RIN2: variants seen among roughly 807,000 people sequenced by gnomAD.
The protein encoded by RIN2 is Ras and Rab interactor 2, also known as RAB5 interacting protein 2.
RIN2 carries 36 observed loss-of-function variants against 78.0 expected under a neutral mutation model. The ratio of observed to expected loss-of-function variants is 0.46; its 90% confidence interval spans 0.35 to 0.61. The LOEUF (loss-of-function observed/expected upper bound fraction) is 0.61. RIN2 is among the 20% of genes least tolerant of loss of function. The pLI is 0.00. For synonymous variants in RIN2, 466 were observed against 466.8 expected, an observed-to-expected ratio of 1.00 and a Z score of 0.02; for missense variants, 1,087 against 1,159.7, an observed-to-expected ratio of 0.94 and a Z score of 0.91.
intron 6 of RIN2, among the ~76,000 whole-genome samples, chr20:19,964,397 C>T (rs2041870180): frequency 1.3e-5 from 2 of 152,188 alleles, no homozygotes; most frequent in African/African-American, 4.8e-5. Context: ...GCATGAGGCA[C>T]CATGCCCGGC....
intron 4 of RIN2, among the ~76,000 whole-genome samples, chr20:19,950,053 A>G (rs1410514394): frequency 2.6e-5 from 4 of 152,178 alleles, no homozygotes; most frequent in Non-Finnish European, 5.9e-5. Flanking sequence ...CCATACTCCA[A>G]AGAACCTTAA....
chr20:19,922,958 TC>T (rs1307432548), intron 3 of RIN2, among the ~76,000 whole-genome samples: 3 of 152,164 alleles, frequency 2.0e-5, no homozygotes, highest in East Asian at 1.9e-4. Flanking sequence ...CAGCATAACT[TC>T]CGTGAACTCT....
At chr20:19,912,603 C>T (rs1311195947) in intron 3 of RIN2, among the ~76,000 whole-genome samples, 4 of 151,752 alleles carry the variant, frequency 2.6e-5, no homozygotes, top group East Asian at 1.9e-4. Flanking sequence ...CTCAGCCTCC[C>T]AAATAGCTGG....
intron 9 of RIN2, among the ~76,000 whole-genome samples, chr20:19,976,596 T>G (rs1258443485): frequency 6.6e-6 from 1 of 152,240 alleles, no homozygotes; most frequent in Non-Finnish European, 1.5e-5. Flanking sequence ...TGGCAAGCAG[T>G]CTTTTCTTCC....
intron 9 of RIN2, among the ~76,000 whole-genome samples, chr20:19,986,348 G>A (rs530022520): frequency 3.3e-5 from 5 of 151,770 alleles, no homozygotes; most frequent in Middle Eastern, 3.4e-3. Flanking sequence ...GGAGGAGTGG[G>A]ATAAACCTCT....
chr20:19,988,411 T>C (rs1223952869), intron 9 of RIN2, among the ~76,000 whole-genome samples: 3 of 152,198 alleles, frequency 2.0e-5, no homozygotes, highest in Non-Finnish European at 2.9e-5. Context: ...TGAGCCGCCA[T>C]GCCTGGCCTA....
intron 2 of RIN2, among the ~76,000 whole-genome samples, chr20:19,868,950 C>T (rs1406316173): frequency 2.0e-5 from 3 of 151,964 alleles, no homozygotes; most frequent in Admixed American, 6.6e-5. Context: ...GGTGTGGTGG[C>T]ATGTGCCTCT....
intron 2 of RIN2, among the ~76,000 whole-genome samples, chr20:19,853,121 G>T (rs1484032594): frequency 6.8e-6 from 1 of 147,984 alleles, no homozygotes; most frequent in African/African-American, 2.5e-5. Context: ...CTATGAGTGA[G>T]AATATGCGGT....
chr20:19,917,677 CTTG>C (rs1044733492), intron 3 of RIN2, among the ~76,000 whole-genome samples: 2 of 152,198 alleles, frequency 1.3e-5, no homozygotes, highest in African/African-American at 2.4e-5. Context: ...CTTTTCACAA[CTTG>C]TTTATTTCCA....
intron 1 of RIN2, among the ~76,000 whole-genome samples, chr20:19,780,023 T>C (rs2034444623): frequency 1.3e-5 from 2 of 152,202 alleles, no homozygotes; most frequent in African/African-American, 4.8e-5. Flanking sequence ...TTTCTGATTA[T>C]AAAGACAATA....
rs772966860 is a variant in RIN2, at chr20:19,909,307, C to A, written c.57+19649C>A. 2.0e-4 allele frequency among the ~76,000 whole-genome samples: 30 copies of A among 152,314 alleles called. 1 individual carries two copies. Among genetic ancestry groups the A allele is most frequent in the Admixed American group, 8.5e-4 (13 of 15,296 alleles). On this transcript the variant is annotated intron_variant, in intron 3 of 12. Coordinates refer to ENST00000255006, the MANE Select transcript of RIN2 (RefSeq NM_018993.4). The stretch of plus-strand genomic sequence containing the variant: ...CATTCACCCCACACATCCTTCCCTG[C>A]CCTACCCCCAAGGCAAGATTAAATG...
intron 3 of RIN2, among the ~76,000 whole-genome samples, chr20:19,901,881 G>A (rs778214261): frequency 1.3e-5 from 2 of 151,854 alleles, no homozygotes; most frequent in Non-Finnish European, 2.9e-5. Context: ...GCCGGGTGTG[G>A]TGCAGGCGCC....
At chr20:19,924,951 C>T (rs2040164504) in intron 3 of RIN2, among the ~76,000 whole-genome samples, 1 of 150,874 alleles carries the variant, frequency 6.6e-6, no homozygotes, top group Admixed American at 6.6e-5. Flanking sequence ...GTTGGTCAGG[C>T]TGGTCTCAAA....
intron 2 of RIN2, among the ~76,000 whole-genome samples, chr20:19,878,836 T>C (rs1398120414): frequency 1.3e-5 from 2 of 152,174 alleles, no homozygotes; most frequent in Non-Finnish European, 2.9e-5. Context: ...CTCAAAGCAG[T>C]CTCTCTTGGA....
intron 2 of RIN2, among the ~76,000 whole-genome samples, chr20:19,887,394 T>A (rs942660133): frequency 3.3e-5 from 5 of 152,118 alleles, no homozygotes; most frequent in Admixed American, 2.6e-4. Context: ...AACTATTGGA[T>A]GGCCACCAGC....
intron 7 of RIN2, among the ~76,000 whole-genome samples, chr20:19,968,050 G>T (rs1487012293): frequency 1.3e-5 from 2 of 152,152 alleles, no homozygotes; most frequent in Non-Finnish European, 2.9e-5. Context: ...CTATTCAGCT[G>T]CTGAGACCTT....
intron 2 of RIN2, among the ~76,000 whole-genome samples, chr20:19,874,654 C>T (rs2123391815): frequency 6.6e-6 from 1 of 152,222 alleles, no homozygotes; most frequent in South Asian, 2.1e-4. Flanking sequence ...AAACAATTTG[C>T]ACAGCAATGC....
chr20:19,988,041 A>G (rs2042676409), intron 9 of RIN2, among the ~76,000 whole-genome samples: 1 of 152,160 alleles, frequency 6.6e-6, no homozygotes, highest in South Asian at 2.1e-4. Context: ...GCCTTCTAAT[A>G]ATAGGTAATC....
intron 2 of RIN2, among the ~76,000 whole-genome samples, chr20:19,838,030 C>A (rs1012472287): frequency 6.6e-5 from 10 of 152,096 alleles, no homozygotes; most frequent in Non-Finnish European, 1.3e-4. Context: ...AGTCACTTCA[C>A]AAAAATCAGA....
Sources: gnomAD v4.1 joint callset for allele counts (sites outside exome capture counted in the v4.1 genomes callset) on GRCh38, gnomAD v4.1.1 for gene constraint, MANE v1.5 for transcripts, NCBI Gene and HGNC (gene_info 2026-07-23, HGNC 2026-07-21) for gene names.